DEPDC5: variants seen among roughly 807,000 people sequenced by gnomAD.
DEPDC5 encodes GATOR1 complex protein DEPDC5.
A neutral mutation model predicts 217.3 loss-of-function variants in DEPDC5; 73 were observed. The observed-to-expected ratio is 0.34, with a 90% CI of 0.28 to 0.41. The LOEUF (loss-of-function observed/expected upper bound fraction) is 0.41. DEPDC5 is among the 10% of genes least tolerant of loss of function. The probability of loss-of-function intolerance (pLI) is 1.00; values close to 1 mark genes in which losing one functional copy is unlikely to be tolerated. For synonymous variants in DEPDC5, 733 were observed against 756.7 expected (o/e 0.97, Z 0.51); for missense variants, 1,675 against 2,070.1 (o/e 0.81, Z 3.70).
In DEPDC5 at chr22:31,889,293, G is replaced by A. The variant is rs187669799; in HGVS notation, c.4034-4289G>A. Among the ~76,000 whole-genome samples the A allele has an allele frequency of 2.0e-5, 3 of 152,246 alleles. No individual in the cohort carries two copies. In the East Asian group the frequency reaches 5.8e-4, roughly 29 times the overall value. On this transcript the variant is annotated intron_variant, in intron 38 of 42. Transcript: ENST00000651528. Reference sequence around the variant, plus strand: ...CATATCTTTATCAACATCATAATCCGCTAGAAACATATGTACTGCCAAATC... The same window carrying A: ...CATATCTTTATCAACATCATAATCCACTAGAAACATATGTACTGCCAAATC...
chr22:31,906,800 G>A lies in DEPDC5; in HGVS notation c.*303G>A. On this transcript the variant is annotated 3_prime_UTR_variant, in exon 43 of 43. Transcript: ENST00000651528. This position sits in a 1 kb window ranked among gnomAD's most constrained non-coding sequence, Gnocchi z 5.1. The stretch of plus-strand genomic sequence containing the variant: ...GGAGGGCTCCAGTGTCTGGGAAGAG[G>A]GCAGGCGGCCCCCATGAATGTCCTC... The A allele has an allele frequency of 4.2e-6, 2 of 477,816 alleles. No homozygotes were observed. The highest frequency in any genetic ancestry group is 5.8e-5 in the South Asian group (2 of 34,290). 29.6% of individuals were successfully genotyped at this position (477,816 alleles called of 1,614,324 possible).
At chr22:31,871,373 C>T (rs1457492426) in intron 34 of DEPDC5, among the ~76,000 whole-genome samples, 1 of 152,206 alleles carries the variant, frequency 6.6e-6, no homozygotes, top group Non-Finnish European at 1.5e-5. Flanking sequence ...TACCCCTGCC[C>T]TGAGAGCAGA....
intron 24 of DEPDC5, among the ~76,000 whole-genome samples, chr22:31,828,196 A>G (rs1339426320): frequency 6.6e-6 from 1 of 152,196 alleles, no homozygotes; most frequent in Non-Finnish European, 1.5e-5. Context: ...CACGCCTGTA[A>G]TCCCAGCACT....
At chr22:31,818,910 C>A in intron 21 of DEPDC5, 112 bp from the exon 22 acceptor site, 1 of 1,077,520 alleles carries the variant, frequency 9.3e-7, no homozygotes, top group Non-Finnish European at 1.4e-6. Context: ...CACTCCCTGA[C>A]ATTTATAATG....
intron 31 of DEPDC5, among the ~76,000 whole-genome samples, chr22:31,856,152 C>A (rs1489354684): frequency 2.1e-5 from 2 of 97,228 alleles, no homozygotes; most frequent in Non-Finnish European, 3.9e-5. Context: ...GTTGGGCCAA[C>A]GCGCACACAC....
At chr22:31,806,366 G>A (rs1568963765) in intron 18 of DEPDC5, among the ~76,000 whole-genome samples, 175 bp downstream of exon 18, 1 of 152,210 alleles carries the variant, frequency 6.6e-6, no homozygotes, top group Non-Finnish European at 1.5e-5. Flanking sequence ...AGCCTTTGTG[G>A]ACTATCACGC....
chr22:31,815,035 T>C lies in DEPDC5; in HGVS notation c.1489T>C (p.Ser497Pro), dbSNP rs1181000748. Reference protein sequence around the residue: ...RESHSRKSASSCDVSSSPSLP... With the variant: ...RESHSRKSASPCDVSSSPSLP... Reference sequence around the variant, plus strand: ...GAGTCACAGTCGAAAGAGTGCCAGCTCCTGTGATGTTTCATCCAGCCCTTC... The same window carrying C: ...GAGTCACAGTCGAAAGAGTGCCAGCCCCTGTGATGTTTCATCCAGCCCTTC... The change falls in exon 21 of 43, where the codon TCC becomes CCC. Residue 497 changes from serine to proline, a missense_variant. Coordinates refer to ENST00000651528, the MANE Select transcript of DEPDC5 (RefSeq NM_001242896.3). 1.9e-6 allele frequency: 3 copies of C among 1,613,984 alleles called. No individual in the cohort carries two copies. Among genetic ancestry groups the C allele is most frequent in the African/African-American group, 2.7e-5 (2 of 74,898 alleles).
chr22:31,781,599 T>C (rs1444292513), intron 8 of DEPDC5, among the ~76,000 whole-genome samples: 2 of 151,928 alleles, frequency 1.3e-5, no homozygotes, highest in African/African-American at 4.8e-5. Flanking sequence ...CACCTGGCTT[T>C]TTATATTTTT....
intron 31 of DEPDC5, among the ~76,000 whole-genome samples, chr22:31,854,352 G>A (rs2092182519): frequency 2.0e-5 from 3 of 152,196 alleles, no homozygotes; most frequent in Admixed American, 6.5e-5. Context: ...GGGGATGCAA[G>A]AATCTCACAG....
intron 10 of DEPDC5, among the ~76,000 whole-genome samples, chr22:31,788,441 ATTT>A (rs570086659): frequency 2.2e-5 from 3 of 137,070 alleles, no homozygotes; most frequent in East Asian, 2.1e-4. Context: ...TGCCCGGGCA[ATTT>A]TTTTTTTTTT....
At chr22:31,766,729 T>C in intron 6 of DEPDC5, 61 bp downstream of exon 6, 7 of 1,425,280 alleles carry the variant, frequency 4.9e-6, no homozygotes, top group Non-Finnish European at 6.9e-6. Context: ...AATCCCTGTT[T>C]ATTATGGGAG....
intron 29 of DEPDC5, 35 bp from the exon 30 acceptor site, chr22:31,844,983 C>G (rs781607587): frequency 3.7e-6 from 6 of 1,610,122 alleles, no homozygotes; most frequent in East Asian, 4.5e-5. Context: ...TCTCCTTTCT[C>G]TCACCACCAC....
chr22:31,904,402 A>G (rs1384844277), intron 41 of DEPDC5, among the ~76,000 whole-genome samples: 1 of 152,234 alleles, frequency 6.6e-6, no homozygotes, highest in East Asian at 1.9e-4. Context: ...GTAAAAAAAA[A>G]TCAGGCTGAT....
intron 29 of DEPDC5, 110 bp from the exon 30 acceptor site, chr22:31,844,907 TA>T: frequency 9.3e-7 from 1 of 1,076,340 alleles, no homozygotes; most frequent in Non-Finnish European, 1.4e-6. Flanking sequence ...AATGAGCACA[TA>T]CTCATGGGGA....
At chr22:31,756,542 C>T (rs757916594) in intron 2 of DEPDC5, among the ~76,000 whole-genome samples, 25 of 152,270 alleles carry the variant, frequency 1.6e-4, no homozygotes, top group Non-Finnish European at 3.4e-4. Flanking sequence ...ACAGTATATA[C>T]AACGTATACA....
intron 4 of DEPDC5, 53 bp from the exon 5 acceptor site, chr22:31,764,922 G>A: frequency 7.3e-7 from 1 of 1,365,848 alleles, no homozygotes; most frequent in South Asian, 1.2e-5. Context: ...TAGAATATAT[G>A]GATCTGCTTT....
intron 10 of DEPDC5, 75 bp from the exon 11 acceptor site, chr22:31,791,956 ATT>A: frequency 7.6e-6 from 4 of 524,188 alleles, no homozygotes; most frequent in Non-Finnish European, 1.3e-5. Flanking sequence ...AAAAAAGAAT[ATT>A]ATATGCATGC....
rs991508803 is a variant in DEPDC5, at chr22:31,754,102, A to C, written c.-123A>C. 4 of 153,402 alleles carry C rather than the reference A, an allele frequency of 2.6e-5. No individual in the cohort carries two copies. The highest frequency in any genetic ancestry group is 9.6e-5 in the African/African-American group (4 of 41,472). The allele number at this position is 153,402 out of a possible 1,614,324, so 9.5% of individuals were successfully genotyped here. ...CGGGGTATCTGGAGGAGGCGCAGGG[A>C]ACCTGGAGAGGGTCCAGCCCTCAGT... On this transcript the variant is annotated 5_prime_UTR_variant, in exon 1 of 43. Coordinates refer to ENST00000651528, the MANE Select transcript of DEPDC5 (RefSeq NM_001242896.3).
Position 31,857,390 on chromosome 22 carries a change from T to C in DEPDC5, c.3156-55T>C, listed in dbSNP as rs961314965. On this transcript the variant is annotated intron_variant, in intron 31 of 42. Transcript: ENST00000651528. ...CTGTCTGCATCTTGGCCGACATGGA[T>C]CCTTCACCAGGGAGCTCTGAGCAAG... 1.1e-5 allele frequency: 16 copies of C among 1,466,864 alleles called. No homozygotes were observed. The Admixed American group carries it at 2.5e-4, about 23-fold the overall frequency. The allele number at this position is 1,466,864 out of a possible 1,614,324, so 90.9% of individuals were successfully genotyped here. A position where few individuals can be genotyped will look rare whatever the true frequency, so the allele number is the denominator to read the frequency against.
Sources: allele counts gnomAD v4.1 joint callset (sites outside exome capture counted in the v4.1 genomes callset), GRCh38; gene constraint gnomAD v4.1.1; non-coding constraint Gnocchi (gnomAD v3.1); transcripts MANE v1.5; gene names NCBI Gene and HGNC (gene_info 2026-07-23, HGNC 2026-07-21).